Variants in GNPDA2 observed in about 807,000 individuals in gnomAD.
GNPDA2 encodes glcN6P deaminase 2.
A neutral mutation model predicts 27.0 loss-of-function variants in GNPDA2; 24 were observed. The observed-to-expected ratio is 0.89, with a 90% CI of 0.64 to 1.25. The LOEUF (loss-of-function observed/expected upper bound fraction) is 1.25. GNPDA2 is among the 50% of genes most tolerant of loss of function. The probability of loss-of-function intolerance (pLI) is 0.00; values close to 1 mark genes in which losing one functional copy is unlikely to be tolerated. For missense variants in GNPDA2, 286 were observed against 335.1 expected (o/e 0.85, Z 1.14); for synonymous variants, 94 against 108.4 (o/e 0.87, Z 0.83).
At chr4:44,712,074 T>C (rs777972418) in intron 4 of GNPDA2, among the ~76,000 whole-genome samples, 1 of 152,026 alleles carries the variant, frequency 6.6e-6, no homozygotes, top group African/African-American at 2.4e-5. Flanking sequence ...CTCTAAAATA[T>C]AGACAGGAAT....
intron 6 of GNPDA2, chr4:44,703,371 T>C: frequency 1.5e-6 from 2 of 1,295,342 alleles, no homozygotes; most frequent in Non-Finnish European, 2.0e-6. Flanking sequence ...ATCTAGAATG[T>C]GTACAGGTAC....
Position 44,703,123 on chromosome 4 carries a change from A to G in GNPDA2, c.789T>C (p.Asn263=). 6.2e-7 allele frequency: 1 copy of G among 1,611,646 alleles called. No individual in the cohort carries two copies. Among genetic ancestry groups the G allele is most frequent in the African/African-American group, 1.3e-5 (1 of 74,930 alleles). The stretch of plus-strand genomic sequence containing the variant: ...TACTGAATAGTGGATCCACAAGTTT[A>G]TTGTGCACATGCATTAGACCTTAAA... ...KYFKGLMHVH[N]KLVDPLFSMK... is the part of the protein sequence containing the mutation. The change falls in exon 7 of 7, where the codon AAT becomes AAC. Residue 263 remains asparagine, a synonymous_variant. Coordinates refer to ENST00000295448, the MANE Select transcript of GNPDA2 (RefSeq NM_138335.3).
intron 6 of GNPDA2, chr4:44,706,639 C>A (rs1716623514): frequency 6.6e-6 from 1 of 151,666 alleles, no homozygotes; most frequent in Non-Finnish European, 1.5e-5. Context: ...GTAAGACACA[C>A]CATTTTATGT....
chr4:44,709,166 AAG>A (rs1716809972), intron 5 of GNPDA2, among the ~76,000 whole-genome samples: 1 of 152,166 alleles, frequency 6.6e-6, no homozygotes. Flanking sequence ...GAGGAAAAAA[AAG>A]ACAACTAAAC....
intron 5 of GNPDA2, 149 bp downstream of exon 5, chr4:44,710,804 C>T (rs1383607631): frequency 1.7e-6 from 1 of 577,026 alleles, no homozygotes; most frequent in Non-Finnish European, 2.8e-6. Flanking sequence ...GTCAATGAGA[C>T]TGACAAAAGT....
At chr4:44,705,558 T>C (rs966378597) in intron 6 of GNPDA2, 43 of 635,026 alleles carry the variant, frequency 6.8e-5, no homozygotes, top group Non-Finnish European at 8.2e-5. Flanking sequence ...CATATAAACA[T>C]CTACCACCCT....
chr4:44,725,656 A>G (rs1318338079), intron 1 of GNPDA2, among the ~76,000 whole-genome samples: 2 of 152,170 alleles, frequency 1.3e-5, no homozygotes, highest in African/African-American at 4.8e-5. Context: ...CTTCACCCAG[A>G]GCAAAGAAGA....
At chr4:44,723,826 C>T (rs1460702357) in intron 1 of GNPDA2, among the ~76,000 whole-genome samples, 3 of 152,006 alleles carry the variant, frequency 2.0e-5, no homozygotes, top group South Asian at 4.2e-4. Context: ...CCCAAGCAAG[C>T]GGCTCAAGGG....
chr4:44,715,389 C>T (rs1220036985), intron 4 of GNPDA2, among the ~76,000 whole-genome samples: 1 of 152,050 alleles, frequency 6.6e-6, no homozygotes, highest in Non-Finnish European at 1.5e-5. Flanking sequence ...GAAAGAAAGT[C>T]TACAAATGAA....
At chr4:44,720,566 G>A (rs528296105) in intron 2 of GNPDA2, among the ~76,000 whole-genome samples, 72 of 152,226 alleles carry the variant, frequency 4.7e-4, no homozygotes, top group African/African-American at 8.4e-4. Flanking sequence ...TTAAGGTCAC[G>A]TGAGTAAATA....
chr4:44,722,169 A>G lies in GNPDA2; in HGVS notation c.39T>C (p.Ser13=), dbSNP rs1351765822. 6.2e-7 allele frequency: 1 copy of G among 1,613,102 alleles called. No individual in the cohort carries two copies. Among genetic ancestry groups the G allele is most frequent in the Admixed American group, 1.7e-5 (1 of 60,010 alleles). ...LVILDNYDLA[S]EWAAKYICNR... ...TACAGATGTATTTGGCTGCCCATTC[A>G]CTAGCCAAGTCATAGTTATCAAGAA... Residue 13 remains serine (S), a synonymous_variant, in exon 2 of 7, where the codon AGT becomes AGC. Coordinates refer to ENST00000295448, the MANE Select transcript of GNPDA2 (RefSeq NM_138335.3).
rs536516998 is a variant in GNPDA2 at position 44,702,569 on chromosome 4, T to A, written c.*512A>T. The A allele has an allele frequency of 4.0e-6, 4 of 988,106 alleles. No individual in the cohort carries two copies. Among genetic ancestry groups the A allele is most frequent in the Admixed American group, 6.2e-5 (1 of 16,260 alleles). 61.2% of individuals were successfully genotyped at this position (988,106 alleles called of 1,614,324 possible). A position where few individuals can be genotyped will look rare whatever the true frequency, so the allele number is the denominator to read the frequency against. ...CCTTTACCAATGATATATAGCACAA[T>A]TTTTGATGTCTAGATGGTGCTGTAG... On this transcript the variant is annotated 3_prime_UTR_variant, in exon 7 of 7. Transcript: ENST00000295448.
At position 44,705,258 on chromosome 4, in the gene GNPDA2, A is replaced by G. The variant is rs1040095761; in HGVS notation, c.770-2116T>C. 3 of 981,284 alleles carry G rather than the reference A, an allele frequency of 3.1e-6. No homozygotes were observed. The African/African-American group carries it at 5.2e-5, about 17-fold the overall frequency. 60.8% of individuals were successfully genotyped at this position (981,284 alleles called of 1,614,324 possible). On this transcript the variant is annotated intron_variant, in intron 6 of 6. Coordinates refer to ENST00000295448, the MANE Select transcript of GNPDA2 (RefSeq NM_138335.3). Reference sequence around the variant, plus strand: ...GTAACTCAATGGAGGTATGAAAAGTATACAAACTACATTTGAAATGTGTTT... The same window carrying G: ...GTAACTCAATGGAGGTATGAAAAGTGTACAAACTACATTTGAAATGTGTTT...
intron 1 of GNPDA2, among the ~76,000 whole-genome samples, chr4:44,725,082 C>T (rs1159949372): frequency 6.6e-6 from 1 of 152,150 alleles, no homozygotes; most frequent in Admixed American, 6.5e-5. Context: ...TTTCCAATGT[C>T]TTCTGCATCC....
chr4:44,713,368 G>A (rs948056272), intron 4 of GNPDA2, among the ~76,000 whole-genome samples: 2 of 152,174 alleles, frequency 1.3e-5, no homozygotes, highest in African/African-American at 4.8e-5. Flanking sequence ...GAAGATTGAT[G>A]AGTTTCTACT....
intron 6 of GNPDA2, chr4:44,706,687 C>CCAG (rs1716627715): frequency 6.6e-6 from 1 of 151,802 alleles, no homozygotes; most frequent in African/African-American, 2.4e-5. Flanking sequence ...AAGCTATGAT[C>CCAG]TGACACCAGT....
chr4:44,715,296 T>C (rs1450504846), intron 4 of GNPDA2, among the ~76,000 whole-genome samples: 3 of 152,180 alleles, frequency 2.0e-5, no homozygotes, highest in South Asian at 4.1e-4. Flanking sequence ...TTATTCCCCA[T>C]AGTAAAATCT....
intron 4 of GNPDA2, among the ~76,000 whole-genome samples, chr4:44,716,442 C>T (rs369898284): frequency 2.6e-5 from 4 of 151,814 alleles, no homozygotes; most frequent in South Asian, 2.1e-4. Context: ...TAGCTGTCTG[C>T]GATAGTTTAC....
At position 44,708,738 on chromosome 4, in the gene GNPDA2, TC is replaced by T. The variant is rs531980940; in HGVS notation, c.595-813del. ...TGTAATATAATCTTTAAACTTTTTT[TC>T]CTCATTACAATTGTTTTAAAAAACA... On this transcript the variant is annotated intron_variant, in intron 5 of 6. Transcript: ENST00000295448. Among the ~76,000 whole-genome samples the T allele has an allele frequency of 5.7e-4, 87 of 152,148 alleles. 1 individual carries two copies. Among genetic ancestry groups the T allele is most frequent in the Admixed American group, 4.6e-3 (70 of 15,280 alleles).
Sources: allele counts gnomAD v4.1 joint callset (sites outside exome capture counted in the v4.1 genomes callset), GRCh38; gene constraint gnomAD v4.1.1; transcripts MANE v1.5; gene names NCBI Gene and HGNC (gene_info 2026-07-23, HGNC 2026-07-21).